FAF1: variants seen among roughly 807,000 people sequenced by gnomAD.
FAF1 encodes the protein FAS-associated factor 1.
In FAF1, 25 loss-of-function variants were observed where a neutral mutation model predicts 92.5. The ratio of observed to expected loss-of-function variants is 0.27; its 90% CI spans 0.20 to 0.38. FAF1 has a LOEUF of 0.38. Ranked by LOEUF, FAF1 falls within the 10% of genes least tolerant of loss-of-function variation. The pLI, the probability that FAF1 is intolerant of heterozygous loss-of-function variation, is 1.00. For synonymous variants in FAF1, 234 were observed against 273.2 expected, an observed-to-expected ratio of 0.86 and a Z score of 1.42; for missense variants, 636 against 793.3, an observed-to-expected ratio of 0.80 and a Z score of 2.38.
intron 4 of FAF1, among the ~76,000 whole-genome samples, chr1:50,762,581 C>T (rs1038892703): frequency 1.3e-5 from 2 of 152,138 alleles, no homozygotes; most frequent in African/African-American, 2.4e-5. Context: ...GAAAAACAAG[C>T]AATGGAGAAA....
At chr1:50,670,210 A>G (rs1461032226) in intron 7 of FAF1, among the ~76,000 whole-genome samples, 1 of 151,890 alleles carries the variant, frequency 6.6e-6, no homozygotes, top group Admixed American at 6.6e-5. Context: ...GGGGTGAGAT[A>G]GGGGAGGGAC....
intron 2 of FAF1, among the ~76,000 whole-genome samples, chr1:50,827,293 C>A (rs1404425720): frequency 6.6e-6 from 1 of 152,226 alleles, no homozygotes; most frequent in Non-Finnish European, 1.5e-5. Context: ...AAGAAAAATT[C>A]TTCTGCCTTG....
In FAF1 at chr1:50,718,034, T is replaced by TATTC. The variant is rs1258339246; in HGVS notation, c.552-12144_552-12143insGAAT. Among the ~76,000 whole-genome samples the TATTC allele has an allele frequency of 4.0e-4, 50 of 125,556 alleles. 1 individual carries two copies. The highest frequency in any genetic ancestry group is 1.3e-3 in the African/African-American group (48 of 35,706). The allele number at this position is 125,556 out of a possible 152,430, so 82.4% of individuals were successfully genotyped here. On this transcript the variant is annotated intron_variant, in intron 6 of 18. Coordinates refer to ENST00000396153, the MANE Select transcript of FAF1 (RefSeq NM_007051.3). Reference sequence around the variant, plus strand: ...TTATTTATTTATTTATTTATTTATTTATTGAGACGGAGTCTCGCTTTGTCA... The same window carrying TATTC: ...TTATTTATTTATTTATTTATTTATTTATTCATTGAGACGGAGTCTCGCTTTGTCA...
chr1:50,835,384 A>G (rs76069358), intron 2 of FAF1, among the ~76,000 whole-genome samples: 1 of 152,286 alleles, frequency 6.6e-6, no homozygotes, highest in East Asian at 1.9e-4. Context: ...AAGAATGCAG[A>G]CTTTAGAAAG....
intron 7 of FAF1, among the ~76,000 whole-genome samples, chr1:50,667,031 C>T (rs1197454119): frequency 2.0e-5 from 3 of 152,180 alleles, no homozygotes; most frequent in Non-Finnish European, 4.4e-5. Context: ...CTTTTAAGTG[C>T]TGTAGAGGAA....
intron 4 of FAF1, among the ~76,000 whole-genome samples, chr1:50,755,823 C>G (rs1660053160): frequency 1.3e-5 from 2 of 152,212 alleles, no homozygotes; most frequent in Non-Finnish European, 1.5e-5. Flanking sequence ...GGAGCTTGTA[C>G]CCTCTGAAGC....
intron 5 of FAF1, among the ~76,000 whole-genome samples, chr1:50,739,385 T>TAC (rs1659290878): frequency 1.4e-5 from 2 of 142,614 alleles, no homozygotes; most frequent in African/African-American, 5.7e-5. Flanking sequence ...CATATACATA[T>TAC]ATGTGTGTTT....
chr1:50,559,124 G>A (rs537497536), intron 13 of FAF1, among the ~76,000 whole-genome samples: 42 of 152,094 alleles, frequency 2.8e-4, no homozygotes, highest in African/African-American at 7.2e-4. Context: ...GGTGGCAAGC[G>A]CCTGTAGCCC....
chr1:50,645,826 TAAAAAAAGAAA>T (rs1228462492), intron 8 of FAF1, among the ~76,000 whole-genome samples: 2 of 123,620 alleles, frequency 1.6e-5, no homozygotes, highest in East Asian at 4.0e-4. Context: ...AGACTCCGTC[TAAAAAAAGAAA>T]AAAAAAAGGA....
chr1:50,715,230 G>A (rs1658122535), intron 6 of FAF1, among the ~76,000 whole-genome samples: 1 of 152,188 alleles, frequency 6.6e-6, no homozygotes. Flanking sequence ...TAAGCACTGA[G>A]TATGCAAAAT....
intron 6 of FAF1, among the ~76,000 whole-genome samples, chr1:50,721,062 A>G (rs2124453912): frequency 6.6e-6 from 1 of 152,248 alleles, no homozygotes; most frequent in Non-Finnish European, 1.5e-5. Flanking sequence ...TGTAAATGCA[A>G]TTTGTACCCA....
chr1:50,545,985 A>C (rs1015204363), intron 13 of FAF1, among the ~76,000 whole-genome samples: 1 of 152,224 alleles, frequency 6.6e-6, no homozygotes, highest in Non-Finnish European at 1.5e-5. Flanking sequence ...CTGGATAACA[A>C]AGTGAGACCT....
chr1:50,894,189 C>T (rs1431543170), intron 1 of FAF1, among the ~76,000 whole-genome samples: 1 of 151,504 alleles, frequency 6.6e-6, no homozygotes, highest in Admixed American at 6.6e-5. Flanking sequence ...ATCCCAGCTA[C>T]TCAGGAGGCT....
rs573715334 is a variant in FAF1 at position 50,573,260 on chromosome 1, G to A, written c.1114-6029C>T. On this transcript the variant is annotated intron_variant, in intron 12 of 18. Coordinates refer to ENST00000396153, the MANE Select transcript of FAF1 (RefSeq NM_007051.3). ...ATTGCAGGCAGCTGCCACCATGCCC[G>A]GCTAATTTTTGTGTTTTTAGTAGAG... Among the ~76,000 whole-genome samples, 8 of 151,274 alleles carry A rather than the reference G, an allele frequency of 5.3e-5. No individual in the cohort carries two copies. The South Asian group carries it at 6.3e-4, about 12-fold the overall frequency.
chr1:50,441,260 A>C lies in FAF1; in HGVS notation c.*180T>G. On this transcript the variant is annotated 3_prime_UTR_variant, in exon 19 of 19. Transcript: ENST00000396153. ...TAATAAGGGTTGGGAATATATACTC[A>C]TGGATGGGAAATCTTAAGTAGCTAT... 1.9e-6 allele frequency: 1 copy of C among 519,834 alleles called. No individual in the cohort carries two copies. Among genetic ancestry groups the C allele is most frequent in the East Asian group, 3.1e-5 (1 of 32,104 alleles). 32.2% of individuals were successfully genotyped at this position (519,834 alleles called of 1,614,324 possible). A position where few individuals can be genotyped will look rare whatever the true frequency, so the allele number is the denominator to read the frequency against.
intron 4 of FAF1, among the ~76,000 whole-genome samples, chr1:50,762,811 A>T (rs1249094904): frequency 6.6e-6 from 1 of 152,144 alleles, no homozygotes; most frequent in Non-Finnish European, 1.5e-5. Context: ...ACCAAAAGCA[A>T]TGGCAACAAA....
At chr1:50,655,114 C>T (rs562182644) in intron 8 of FAF1, among the ~76,000 whole-genome samples, 174 of 152,012 alleles carry the variant, frequency 1.1e-3, no homozygotes, top group African/African-American at 3.9e-3. Flanking sequence ...GGATTAGAGG[C>T]GGCCGCCAAG....
intron 1 of FAF1, among the ~76,000 whole-genome samples, chr1:50,947,862 T>G (rs2124759530): frequency 6.6e-6 from 1 of 152,322 alleles, no homozygotes; most frequent in South Asian, 2.1e-4. Flanking sequence ...ACATAAACAT[T>G]TACAATTCTA....
chr1:50,891,734 G>C (rs1458169670), intron 1 of FAF1, among the ~76,000 whole-genome samples: 1 of 152,192 alleles, frequency 6.6e-6, no homozygotes, highest in Non-Finnish European at 1.5e-5. Flanking sequence ...GTCTCAGAGA[G>C]GTACCCAGCC....
Sources: allele counts gnomAD v4.1 joint callset (sites outside exome capture counted in the v4.1 genomes callset), GRCh38; gene constraint gnomAD v4.1.1; transcripts MANE v1.5; gene names NCBI Gene and HGNC (gene_info 2026-07-23, HGNC 2026-07-21).